The following TLN2 variants were observed in gnomAD, a reference collection of about 807,000 sequenced individuals.
TLN2 encodes the protein talin 2.
A neutral mutation model predicts 294.7 loss-of-function variants in TLN2; 118 were observed. The ratio of observed to expected loss-of-function variants is 0.40; its 90% confidence interval spans 0.34 to 0.47. The LOEUF is 0.47. Ranked by LOEUF, TLN2 falls within the 20% of genes least tolerant of loss-of-function variation. TLN2 has a pLI of 0.84. For synonymous variants in TLN2, 1,431 were observed against 1,304.5 expected, an observed-to-expected ratio of 1.10 and a Z score of -2.09; for missense variants, 3,083 against 3,282.2, an observed-to-expected ratio of 0.94 and a Z score of 1.48.
At chr15:62,660,351 GT>G (rs2140967636) in intron 9 of TLN2, among the ~76,000 whole-genome samples, 1 of 152,266 alleles carries the variant, frequency 6.6e-6, no homozygotes, top group African/African-American at 2.4e-5. Flanking sequence ...GATTTTCAGA[GT>G]TTTCAGGGAT....
chr15:62,574,977 G>T (rs2044263024), intron 1 of TLN2, among the ~76,000 whole-genome samples: 1 of 152,172 alleles, frequency 6.6e-6, no homozygotes, highest in South Asian at 2.1e-4. Context: ...ATTCTGGTGG[G>T]TTGACTTAGA....
rs1488486031 is a variant in TLN2, at chr15:62,686,659, A to T, written c.976A>T (p.Asn326Tyr). Reference protein sequence around the residue: ...FLVKEKMKGKNKLVPRLLGIT... With the variant: ...FLVKEKMKGKYKLVPRLLGIT... ...GTTTCAGGAGAAGATGAAAGGCAAGAACAAGCTGGTGCCTCGCCTGCTGGG... is the reference window on the plus strand; with the variant it reads ...GTTTCAGGAGAAGATGAAAGGCAAGTACAAGCTGGTGCCTCGCCTGCTGGG... Residue 326 changes from asparagine to tyrosine, a missense_variant, in exon 12 of 59, where the codon AAC (asparagine) becomes TAC (tyrosine). Asn to Tyr is a moderately radical substitution (Grantham distance 143). Coordinates refer to ENST00000636159, the MANE Select transcript of TLN2 (RefSeq NM_015059.3). 6.2e-7 allele frequency: 1 copy of T among 1,613,550 alleles called. No homozygotes were observed. Among genetic ancestry groups the T allele is most frequent in the East Asian group, 2.2e-5 (1 of 44,870 alleles).
intron 19 of TLN2, among the ~76,000 whole-genome samples, chr15:62,705,052 A>G (rs986717844): frequency 6.6e-6 from 1 of 152,200 alleles, no homozygotes; most frequent in Non-Finnish European, 1.5e-5. Flanking sequence ...TATTTTTTAA[A>G]AGCTTTTCCT....
intron 26 of TLN2, 123 bp from the exon 27 acceptor site, chr15:62,724,853 C>T: frequency 8.0e-7 from 1 of 1,255,676 alleles, no homozygotes; most frequent in Non-Finnish European, 1.1e-6. Context: ...GCTTTCCTTG[C>T]TCCTCCTGCT....
At chr15:62,450,204 C>T (rs1006705016) in intron 1 of TLN2, among the ~76,000 whole-genome samples, 1 of 152,080 alleles carries the variant, frequency 6.6e-6, no homozygotes, top group African/African-American at 2.4e-5. Flanking sequence ...TTGCCTGAAA[C>T]GTTCTTCTCC....
At chr15:62,548,287 TG>T (rs1311145092) in intron 1 of TLN2, among the ~76,000 whole-genome samples, 2 of 152,110 alleles carry the variant, frequency 1.3e-5, no homozygotes, top group African/African-American at 2.4e-5. Flanking sequence ...TGGAGTATGT[TG>T]GGGACAGTTA....
At chr15:62,491,862 A>G (rs58931667) in intron 1 of TLN2, among the ~76,000 whole-genome samples, 1 of 152,074 alleles carries the variant, frequency 6.6e-6, no homozygotes. Flanking sequence ...TCAGTGGATG[A>G]TGTTTTCTGT....
intron 1 of TLN2, among the ~76,000 whole-genome samples, chr15:62,543,446 A>G (rs1232397407): frequency 6.6e-6 from 1 of 152,178 alleles, no homozygotes; most frequent in Non-Finnish European, 1.5e-5. Flanking sequence ...GGAATGAAAA[A>G]TGATGAGACA....
At chr15:62,625,640 C>T (rs1381117635) in intron 3 of TLN2, among the ~76,000 whole-genome samples, 5 of 152,110 alleles carry the variant, frequency 3.3e-5, no homozygotes, top group African/African-American at 7.2e-5. Context: ...CGGGAACTCC[C>T]GCAGCATATG....
chr15:62,790,871 C>A (rs1232204378), intron 45 of TLN2, among the ~76,000 whole-genome samples: 1 of 152,230 alleles, frequency 6.6e-6, no homozygotes, highest in South Asian at 2.1e-4. Flanking sequence ...ACTACTACAC[C>A]AGTCCAGATC....
intron 1 of TLN2, among the ~76,000 whole-genome samples, chr15:62,535,747 G>A (rs2041312804): frequency 6.6e-6 from 1 of 152,076 alleles, no homozygotes; most frequent in African/African-American, 2.4e-5. Flanking sequence ...TAGAGACGGG[G>A]TTTCACTATG....
Position 62,835,919 on chromosome 15 carries a change from G to A in TLN2, c.7220G>A (p.Ser2407Asn). The A allele has an allele frequency of 1.2e-6, 2 of 1,614,224 alleles. No homozygotes were observed. The highest frequency in any genetic ancestry group is 1.7e-6 in the Non-Finnish European group (2 of 1,180,044). ...AARMVAAATS[S>N]LCEAANASVQ... ...CGGATGGTGGCGGCTGCGACCAGCA[G>A]TCTCTGTGAGGCGGCCAATGCCTCC... The change falls in exon 57 of 59, where the codon AGT (serine) becomes AAT (asparagine). Residue 2407 changes from serine (S) to asparagine (N), a missense_variant. Ser to Asn is a conservative substitution (Grantham distance 46). Transcript: ENST00000636159.
chr15:62,817,188 A>C (rs534166453), intron 52 of TLN2, among the ~76,000 whole-genome samples: 1 of 152,182 alleles, frequency 6.6e-6, no homozygotes, highest in Non-Finnish European at 1.5e-5. Context: ...GCTGTCTTGG[A>C]AAGTAAAAGG....
intron 22 of TLN2, 24 bp downstream of exon 22, chr15:62,712,101 T>G (rs200660266): frequency 5.8e-5 from 94 of 1,610,070 alleles, no homozygotes; most frequent in Middle Eastern, 4.9e-4. Flanking sequence ...TTTGTTTGTA[T>G]GAAAAGTGAA....
chr15:62,588,305 CTTGT>C (rs1447440860), intron 1 of TLN2, among the ~76,000 whole-genome samples: 2 of 151,840 alleles, frequency 1.3e-5, no homozygotes, highest in Admixed American at 6.6e-5. Flanking sequence ...TATTAATTTT[CTTGT>C]TTATTTTTAA....
intron 1 of TLN2, among the ~76,000 whole-genome samples, chr15:62,478,622 G>A (rs919821950): frequency 7.9e-5 from 12 of 152,268 alleles, no homozygotes; most frequent in Admixed American, 3.3e-4. Context: ...GAGAGCCAGT[G>A]CCAAGACCTA....
intron 50 of TLN2, among the ~76,000 whole-genome samples, chr15:62,802,395 C>T (rs1318058038): frequency 4.3e-5 from 6 of 140,170 alleles, no homozygotes; most frequent in Non-Finnish European, 9.1e-5. Flanking sequence ...GATGAATGGA[C>T]ACACATATAC....
chr15:62,473,042 G>A (rs911171443), intron 1 of TLN2, among the ~76,000 whole-genome samples: 1 of 152,232 alleles, frequency 6.6e-6, no homozygotes, highest in Admixed American at 6.5e-5. Context: ...TGCAGGGTGT[G>A]TAAGAGGAAA....
intron 48 of TLN2, among the ~76,000 whole-genome samples, chr15:62,798,816 A>G (rs28412809): frequency 0.13 from 19,807 of 152,194 alleles, 1,459 homozygotes; most frequent in East Asian, 0.23. Flanking sequence ...AACATTCCTT[A>G]TGCTACCATT....
Sources: gnomAD v4.1 joint callset for allele counts (sites outside exome capture counted in the v4.1 genomes callset) on GRCh38, gnomAD v4.1.1 for gene constraint, MANE v1.5 for transcripts, NCBI Gene and HGNC (gene_info 2026-07-23, HGNC 2026-07-21) for gene names.